The following NDST4 variants were observed in gnomAD, a reference collection of about 807,000 sequenced individuals.
NDST4 encodes N-heparan sulfate sulfotransferase 4.
In NDST4, 63 loss-of-function variants were observed where a neutral mutation model predicts 100.8. The ratio of observed to expected loss-of-function variants is 0.62; its 90% CI spans 0.51 to 0.77. The LOEUF (loss-of-function observed/expected upper bound fraction) is 0.77, where lower values mean the gene tolerates loss of function less well. NDST4 is among the 30% of genes least tolerant of loss of function. The pLI is 0.00. For missense variants in NDST4, 943 were observed against 1,018.4 expected, an observed-to-expected ratio of 0.93 and a Z score of 1.01; for synonymous variants, 377 against 361.8, an observed-to-expected ratio of 1.04 and a Z score of -0.48.
At position 114,935,312 on chromosome 4, in the gene NDST4, C is replaced by T; in HGVS notation, c.1430G>A (p.Gly477Glu). ...SIMVLPRQTC[G>E]LFTHTIFYKE... ...GTAGAAAATAGTGTGAGTGAACAAC[C>T]CACAAGTCTGTCGAGGGAGGACCTG... The change falls in exon 6 of 14, where the codon GGG (glycine) becomes GAG (glutamate). Residue 477 changes from glycine to glutamate, a missense_variant. Coordinates refer to ENST00000264363, the MANE Select transcript of NDST4 (RefSeq NM_022569.3). 1.2e-6 allele frequency: 2 copies of T among 1,607,320 alleles called. No homozygotes were observed. The highest frequency in any genetic ancestry group is 1.7e-5 in the Admixed American group (1 of 58,934).
At chr4:115,053,997 T>C (rs1463896512) in intron 2 of NDST4, among the ~76,000 whole-genome samples, 1 of 152,106 alleles carries the variant, frequency 6.6e-6, no homozygotes, top group Non-Finnish European at 1.5e-5. Context: ...GTAAAGAGTT[T>C]TGTATCTACT....
chr4:115,083,147 T>G (rs1323539854), intron 1 of NDST4, among the ~76,000 whole-genome samples: 1 of 152,140 alleles, frequency 6.6e-6, no homozygotes, highest in African/African-American at 2.4e-5. Context: ...GAAACAGAAT[T>G]TTTAATTAAA....
At chr4:114,958,098 T>A (rs1726178571) in intron 4 of NDST4, among the ~76,000 whole-genome samples, 1 of 152,218 alleles carries the variant, frequency 6.6e-6, no homozygotes, top group African/African-American at 2.4e-5. Flanking sequence ...CAGTGGGGAT[T>A]CTGTGTGGGG....
At position 115,020,360 on chromosome 4, in the gene NDST4, G is replaced by A. The variant is rs144935449; in HGVS notation, c.979-43086C>T. On this transcript the variant is annotated intron_variant, in intron 2 of 13. Coordinates refer to ENST00000264363, the MANE Select transcript of NDST4 (RefSeq NM_022569.3). The stretch of plus-strand genomic sequence containing the variant: ...TGGGTTAATTGTATCGAAGTCCAAA[G>A]GCTTCATAAAAGGCAGAATTTAAGA... Among the ~76,000 whole-genome samples, 77 of 152,204 alleles carry A rather than the reference G, an allele frequency of 5.1e-4. 1 individual carries two copies. Among genetic ancestry groups the A allele is most frequent in the Non-Finnish European group, 1.1e-3 (75 of 67,988 alleles).
chr4:115,035,803 C>CA (rs1287020086), intron 2 of NDST4, among the ~76,000 whole-genome samples: 2 of 152,006 alleles, frequency 1.3e-5, no homozygotes, highest in African/African-American at 4.8e-5. Context: ...ATAGAAGTGC[C>CA]ATGTTGATTT....
At chr4:115,066,949 C>T (rs975868080) in intron 2 of NDST4, among the ~76,000 whole-genome samples, 1 of 152,188 alleles carries the variant, frequency 6.6e-6, no homozygotes, top group South Asian at 2.1e-4. Flanking sequence ...CCCACATTTC[C>T]TCCAGGAGTA....
chr4:114,828,083 A>C lies in NDST4; in HGVS notation c.2500-148T>G, dbSNP rs575146036. The C allele has an allele frequency of 2.6e-5, 20 of 765,478 alleles. No individual in the cohort carries two copies. The East Asian group carries it at 5.9e-4, about 22-fold the overall frequency. The allele number at this position is 765,478 out of a possible 1,614,324, so 47.4% of individuals were successfully genotyped here. ...TTGTATTTTTCCTCAAATATCAGTTATTTTTACCTTTTGAAAATATTTGGC... is the reference window on the plus strand; with the variant it reads ...TTGTATTTTTCCTCAAATATCAGTTCTTTTTACCTTTTGAAAATATTTGGC... On this transcript the variant is annotated intron_variant, in intron 13 of 13. Transcript: ENST00000264363.
At chr4:114,934,591 A>T (rs1725586847) in intron 6 of NDST4, among the ~76,000 whole-genome samples, 1 of 151,454 alleles carries the variant, frequency 6.6e-6, no homozygotes, top group Non-Finnish European at 1.5e-5. Context: ...AAAAAATAAA[A>T]ATAAAAAGTT....
rs192263923 is a variant in NDST4, at chr4:114,852,333, C to T, written c.1816+392G>A. On this transcript the variant is annotated intron_variant, in intron 8 of 13. Transcript: ENST00000264363. ...AAAAATCAATTCAAAGGCTGATATACCAGATAAAATAGTTTGAATCGGGCC... is the reference window on the plus strand; with the variant it reads ...AAAAATCAATTCAAAGGCTGATATATCAGATAAAATAGTTTGAATCGGGCC... Among the ~76,000 whole-genome samples, 469 of 152,064 alleles carry T rather than the reference C, an allele frequency of 3.1e-3. 2 individuals are homozygous for T. The highest frequency in any genetic ancestry group is 3.7e-3 in the Non-Finnish European group (250 of 67,938).
At chr4:114,936,576 C>A (rs1725633235) in intron 5 of NDST4, among the ~76,000 whole-genome samples, 1 of 152,096 alleles carries the variant, frequency 6.6e-6, no homozygotes, top group Non-Finnish European at 1.5e-5. Context: ...ATAAAAACAT[C>A]ATCTAAGTCA....
intron 2 of NDST4, among the ~76,000 whole-genome samples, chr4:115,042,757 T>A (rs989882768): frequency 6.6e-6 from 1 of 152,076 alleles, no homozygotes; most frequent in Non-Finnish European, 1.5e-5. Flanking sequence ...TCTTAACAAC[T>A]GGCAGATCTG....
chr4:114,975,552 A>G (rs569938463), intron 3 of NDST4, among the ~76,000 whole-genome samples: 3 of 152,090 alleles, frequency 2.0e-5, no homozygotes, highest in Admixed American at 1.3e-4. Context: ...TACTCTATGC[A>G]TGTTCAGTGT....
chr4:114,962,337 T>TAC (rs1726281682), intron 4 of NDST4, among the ~76,000 whole-genome samples: 1 of 107,122 alleles, frequency 9.3e-6, no homozygotes, highest in Non-Finnish European at 2.3e-5. Context: ...AAATAAAATA[T>TAC]AGCCAGATTG....
chr4:114,990,655 A>G (rs751412924), intron 2 of NDST4, among the ~76,000 whole-genome samples: 1 of 152,152 alleles, frequency 6.6e-6, no homozygotes, highest in African/African-American at 2.4e-5. Context: ...TGTTGCATGT[A>G]TCAAGCAAGA....
At chr4:114,847,994 T>G (rs1723591470) in intron 9 of NDST4, among the ~76,000 whole-genome samples, 1 of 152,216 alleles carries the variant, frequency 6.6e-6, no homozygotes, top group South Asian at 2.1e-4. Flanking sequence ...TGTTTTTTAT[T>G]CAATCATATT....
chr4:114,922,099 C>A (rs527477615), intron 6 of NDST4, among the ~76,000 whole-genome samples: 3 of 152,094 alleles, frequency 2.0e-5, no homozygotes, highest in Non-Finnish European at 4.4e-5. Flanking sequence ...GATGGTCAGG[C>A]GGTTGTTAAC....
chr4:115,088,963 G>T (rs540332021), intron 1 of NDST4, among the ~76,000 whole-genome samples: 1 of 152,156 alleles, frequency 6.6e-6, no homozygotes, highest in South Asian at 2.1e-4. Flanking sequence ...TTTTAAATGA[G>T]TAATTATTCA....
At chr4:115,101,675 A>C (rs1030975715) in intron 1 of NDST4, among the ~76,000 whole-genome samples, 3 of 152,156 alleles carry the variant, frequency 2.0e-5, no homozygotes, top group Admixed American at 1.3e-4. Flanking sequence ...GTCCAGTGGT[A>C]TAGTGAAGTC....
intron 6 of NDST4, among the ~76,000 whole-genome samples, chr4:114,925,573 G>A (rs1418036801): frequency 1.3e-5 from 2 of 152,110 alleles, no homozygotes; most frequent in Non-Finnish European, 2.9e-5. Flanking sequence ...GTATATGAAA[G>A]TTCAGCAGAC....
Sources: allele counts gnomAD v4.1 joint callset (sites outside exome capture counted in the v4.1 genomes callset), GRCh38; gene constraint gnomAD v4.1.1; transcripts MANE v1.5; gene names NCBI Gene and HGNC (gene_info 2026-07-23, HGNC 2026-07-21).